Variants in CELF4 observed in about 807,000 individuals in gnomAD.
The protein encoded by CELF4 is CUGBP Elav-like family member 4.
CELF4 carries 18 observed loss-of-function variants against 59.9 expected under a neutral mutation model. That is an observed-to-expected ratio of 0.30 (90% CI 0.21 to 0.45). The LOEUF (loss-of-function observed/expected upper bound fraction) is 0.45, where lower values mean the gene tolerates loss of function less well. Among genes scored for constraint, CELF4 ranks in the 20% least tolerant of loss-of-function variants. The pLI, the probability that CELF4 is intolerant of heterozygous loss-of-function variation, is 1.00. For missense variants in CELF4, 456 were observed against 689.0 expected (o/e 0.66, Z 3.79); for synonymous variants, 261 against 267.1 (o/e 0.98, Z 0.22).
intron 2 of CELF4, among the ~76,000 whole-genome samples, chr18:37,342,265 ACG>A (rs1491423507): frequency 4.1e-5 from 6 of 147,234 alleles, no homozygotes; most frequent in African/African-American, 1.5e-4. Context: ...ACACACACAC[ACG>A]CTGGGCACAT....
At chr18:37,547,435 C>T (rs994279332) in intron 1 of CELF4, among the ~76,000 whole-genome samples, 2 of 152,190 alleles carry the variant, frequency 1.3e-5, no homozygotes, top group African/African-American at 2.4e-5. Context: ...GAGGCTGCCT[C>T]TTCTGCTCAC....
rs111561125 is a variant in CELF4, at chr18:37,504,511, T to C, written c.287-18904A>G. ...CACATTGCTTGGCTCAATTTCCTTT[T>C]AGCATGTGATTTGGGGCAGGTTTCT... On this transcript the variant is annotated intron_variant, in intron 1 of 12. Transcript: ENST00000420428. 3.6e-3 allele frequency among the ~76,000 whole-genome samples: 548 copies of C among 152,008 alleles called. 3 individuals carry two copies. The highest frequency in any genetic ancestry group is 0.013 in the African/African-American group (526 of 41,406).
chr18:37,252,933 TGAA>T (rs1412161946), intron 12 of CELF4, among the ~76,000 whole-genome samples: 1 of 151,828 alleles, frequency 6.6e-6, no homozygotes, highest in East Asian at 1.9e-4. Flanking sequence ...CTCTGCTCTG[TGAA>T]GAAGCCGAGG....
intron 2 of CELF4, among the ~76,000 whole-genome samples, chr18:37,347,374 G>A (rs1317663199): frequency 6.6e-6 from 1 of 152,010 alleles, no homozygotes; most frequent in Admixed American, 6.5e-5. Flanking sequence ...CCTCAATCAG[G>A]GGAACCCTGG....
At chr18:37,347,430 A>G (rs1469396314) in intron 2 of CELF4, among the ~76,000 whole-genome samples, 1 of 151,824 alleles carries the variant, frequency 6.6e-6, no homozygotes, top group East Asian at 1.9e-4. Flanking sequence ...CCCATCCCCC[A>G]CCCCTACACT....
At chr18:37,261,922 AGCC>A (rs2074774108) in intron 10 of CELF4, among the ~76,000 whole-genome samples, 1 of 152,192 alleles carries the variant, frequency 6.6e-6, no homozygotes, top group South Asian at 2.1e-4. Context: ...GACATAAAGA[AGCC>A]AACTCTTGGC....
intron 2 of CELF4, among the ~76,000 whole-genome samples, chr18:37,480,219 G>T (rs928790956): frequency 6.6e-6 from 1 of 151,696 alleles, no homozygotes; most frequent in Non-Finnish European, 1.5e-5. Context: ...TGGCTGAGAT[G>T]ATCTCTGCAG....
intron 2 of CELF4, among the ~76,000 whole-genome samples, chr18:37,371,152 C>T (rs375811483): frequency 1.3e-5 from 2 of 152,204 alleles, no homozygotes; most frequent in East Asian, 3.8e-4. Context: ...CCCATCACGT[C>T]CATCTGCTAA....
chr18:37,267,090 G>A (rs939880950), intron 8 of CELF4, among the ~76,000 whole-genome samples: 2 of 152,182 alleles, frequency 1.3e-5, no homozygotes, highest in African/African-American at 4.8e-5. Context: ...ACAGAGGGAT[G>A]CGCCCTCACT....
At chr18:37,483,653 A>T (rs1326620157) in intron 2 of CELF4, among the ~76,000 whole-genome samples, 2 of 152,162 alleles carry the variant, frequency 1.3e-5, no homozygotes, top group Non-Finnish European at 2.9e-5. Context: ...AGTGTTAATT[A>T]TGGGTGGAAA....
chr18:37,415,793 C>T (rs2099522881), intron 2 of CELF4, among the ~76,000 whole-genome samples: 2 of 152,182 alleles, frequency 1.3e-5, no homozygotes. Context: ...AAAAGTAGCA[C>T]ATTTATGAAT....
intron 2 of CELF4, among the ~76,000 whole-genome samples, chr18:37,444,154 T>C (rs1426041739): frequency 1.3e-5 from 2 of 152,192 alleles, no homozygotes; most frequent in African/African-American, 2.4e-5. Flanking sequence ...ACTATACTGA[T>C]GTCCCAAGTT....
At chr18:37,514,148 C>A (rs1449333610) in intron 1 of CELF4, among the ~76,000 whole-genome samples, 1 of 152,132 alleles carries the variant, frequency 6.6e-6, no homozygotes, top group Non-Finnish European at 1.5e-5. Flanking sequence ...TTCTGCATTT[C>A]CTGTACCCTG....
intron 2 of CELF4, chr18:37,473,858 T>C (rs1831327047): frequency 6.6e-6 from 1 of 152,244 alleles, no homozygotes; most frequent in African/African-American, 2.4e-5. Flanking sequence ...ATGGAAGACA[T>C]GTGCATAGTC....
At chr18:37,551,954 A>T (rs989963593) in intron 1 of CELF4, among the ~76,000 whole-genome samples, 2 of 152,188 alleles carry the variant, frequency 1.3e-5, no homozygotes, top group Non-Finnish European at 1.5e-5. Context: ...TTGCAGAGGG[A>T]CAAAAACAAA....
chr18:37,543,234 C>T (rs1211346654), intron 1 of CELF4, among the ~76,000 whole-genome samples: 2 of 152,128 alleles, frequency 1.3e-5, no homozygotes, highest in African/African-American at 2.4e-5. Context: ...ATTCCCATCC[C>T]GAGAGGAAGA....
chr18:37,267,892 G>A (rs2078460782), intron 8 of CELF4, among the ~76,000 whole-genome samples: 1 of 152,078 alleles, frequency 6.6e-6, no homozygotes, highest in Non-Finnish European at 1.5e-5. Context: ...AAAAAAATTA[G>A]TGGGCATGGT....
Position 37,485,525 on chromosome 18 carries a change from C to T in CELF4, c.369G>A (p.Gly123=), listed in dbSNP as rs2099879383. ...SALHEQKTLP[G]MNRPIQVKPA... ...TTGCGCCACGGCGGGCGCCACTTAC[C>T]CCGGGCAGAGTCTTCTGCTCGTGCA... The change falls in exon 2 of 13, where the codon GGG becomes GGA. Residue 123 remains glycine (G), a splice_region_variant and synonymous_variant. Coordinates refer to ENST00000420428, the MANE Select transcript of CELF4 (RefSeq NM_020180.4). The T allele has an allele frequency of 5.8e-6, 8 of 1,379,748 alleles. No individual in the cohort carries two copies. In the East Asian group the frequency reaches 2.1e-4, roughly 36 times the overall value. 85.5% of individuals were successfully genotyped at this position (1,379,748 alleles called of 1,614,324 possible).
chr18:37,555,505 G>A (rs79266466), intron 1 of CELF4, among the ~76,000 whole-genome samples: 1,929 of 152,180 alleles, frequency 0.013, 20 homozygotes, highest in Non-Finnish European at 0.02. Context: ...CAAGATCTTC[G>A]CCTAGCTGTA....
Sources: allele counts gnomAD v4.1 joint callset (sites outside exome capture counted in the v4.1 genomes callset), GRCh38; gene constraint gnomAD v4.1.1; transcripts MANE v1.5; gene names NCBI Gene and HGNC (gene_info 2026-07-23, HGNC 2026-07-21).